SLC35D4: variants seen among roughly 807,000 people sequenced by gnomAD.
SLC35D4 encodes the protein UDP-N-acetylglucosamine transporter SLC35D4.
At chr18:23,276,770 C>G in the SLC35D4 span, among the ~76,000 whole-genome samples, 1 of 152,186 alleles carries the variant, frequency 6.6e-6, no homozygotes, top group African/African-American at 2.4e-5. Context: ...GGGAGGGACC[C>G]GCAGAGCCAG....
the SLC35D4 span, among the ~76,000 whole-genome samples, chr18:23,324,005 C>T: frequency 6.6e-6 from 1 of 151,622 alleles, no homozygotes; most frequent in East Asian, 1.9e-4. Flanking sequence ...ATCACTTGAA[C>T]CCAGGAGGCG....
At chr18:23,251,487 C>CA in the SLC35D4 span, among the ~76,000 whole-genome samples, 20 of 151,880 alleles carry the variant, frequency 1.3e-4, no homozygotes, top group South Asian at 4.2e-3. Context: ...TGTAGTCAGC[C>CA]AAAAAAGACC....
the SLC35D4 span, chr18:23,421,334 A>G: frequency 2.5e-5 from 39 of 1,564,330 alleles, no homozygotes; most frequent in African/African-American, 4.3e-4. Flanking sequence ...CAGAGTGTGA[A>G]TCATGCATGA....
At chr18:23,425,679 G>A in the SLC35D4 span, among the ~76,000 whole-genome samples, 1 of 152,156 alleles carries the variant, frequency 6.6e-6, no homozygotes, top group South Asian at 2.1e-4. Context: ...AAAAGCTGAA[G>A]TATGGTTTCT....
At chr18:23,312,856 G>A in the SLC35D4 span, among the ~76,000 whole-genome samples, 15 of 152,124 alleles carry the variant, frequency 9.9e-5, no homozygotes, top group Admixed American at 4.6e-4. Context: ...AACCGGGCGC[G>A]GTGGCTCATG....
chr18:23,368,806 C>T, the SLC35D4 span: 3 of 1,131,096 alleles, frequency 2.7e-6, no homozygotes, highest in South Asian at 1.5e-5. Flanking sequence ...ATTTTAAATA[C>T]ATAAAATAAT....
At chr18:23,385,462 AAAGTG>A in the SLC35D4 span, among the ~76,000 whole-genome samples, 1 of 152,130 alleles carries the variant, frequency 6.6e-6, no homozygotes. Context: ...CTTGGACTAC[AAAGTG>A]AAGTGAAGGA....
At chr18:23,296,121 A>T in the SLC35D4 span, 1 of 152,114 alleles carries the variant, frequency 6.6e-6, no homozygotes, top group East Asian at 1.9e-4. Flanking sequence ...GAGGGATAAC[A>T]TTAGGGGAAA....
At chr18:23,359,496 G>C in the SLC35D4 span, among the ~76,000 whole-genome samples, 2 of 152,228 alleles carry the variant, frequency 1.3e-5, no homozygotes, top group East Asian at 3.9e-4. Context: ...CAATTCTGCT[G>C]ACTCTGAGTG....
the SLC35D4 span, chr18:23,257,047 A>G: frequency 3.1e-6 from 2 of 642,332 alleles, no homozygotes; most frequent in Non-Finnish European, 5.2e-6. Flanking sequence ...CAGCTCCTTC[A>G]CAACCAGGAC....
chr18:23,430,764 A>G, the SLC35D4 span: 1 of 1,221,318 alleles, frequency 8.2e-7, no homozygotes, highest in Non-Finnish European at 1.2e-6. Flanking sequence ...ATTAAAAAAC[A>G]TAACCACATA....
chr18:23,330,165 G>A, the SLC35D4 span, among the ~76,000 whole-genome samples: 2 of 152,000 alleles, frequency 1.3e-5, no homozygotes, highest in Admixed American at 1.3e-4. Flanking sequence ...TTTGCATGTT[G>A]CGCACATGTA....
At chr18:23,345,187 T>C in the SLC35D4 span, among the ~76,000 whole-genome samples, 1 of 151,902 alleles carries the variant, frequency 6.6e-6, no homozygotes, top group Non-Finnish European at 1.5e-5. Context: ...CACCGTTTGT[T>C]GAAAAAACAA....
the SLC35D4 span, chr18:23,309,727 TAAG>T: frequency 2.5e-6 from 4 of 1,614,212 alleles, no homozygotes; most frequent in Non-Finnish European, 3.4e-6. Flanking sequence ...GCAATATTGA[TAAG>T]CCAGCTGTGA....
chr18:23,244,372 G>T, the SLC35D4 span, among the ~76,000 whole-genome samples: 1 of 152,220 alleles, frequency 6.6e-6, no homozygotes, highest in African/African-American at 2.4e-5. Context: ...CATTTCAGTG[G>T]GAGGGAGAGT....
the SLC35D4 span, among the ~76,000 whole-genome samples, chr18:23,311,934 T>A: frequency 1.3e-5 from 2 of 152,210 alleles, no homozygotes; most frequent in African/African-American, 4.8e-5. Flanking sequence ...AATGGAGATG[T>A]ATTTCTTGGA....
chr18:23,251,686 C>T, the SLC35D4 span, among the ~76,000 whole-genome samples: 2 of 152,154 alleles, frequency 1.3e-5, no homozygotes, highest in East Asian at 3.8e-4. Context: ...GAGGAGGAAA[C>T]TCAAGTTTCC....
the SLC35D4 span, among the ~76,000 whole-genome samples, chr18:23,298,287 C>T: frequency 1.3e-5 from 2 of 152,170 alleles, no homozygotes; most frequent in East Asian, 1.9e-4. Flanking sequence ...GAGGCGGGCT[C>T]GATACCTTCC....
the SLC35D4 span, among the ~76,000 whole-genome samples, chr18:23,378,758 G>A: frequency 3.3e-5 from 5 of 152,190 alleles, no homozygotes; most frequent in African/African-American, 4.8e-5. Flanking sequence ...TATTCTGCTA[G>A]CTGGGAACAA....
Sources: gnomAD v4.1 joint callset for allele counts (sites outside exome capture counted in the v4.1 genomes callset) on GRCh38, gnomAD v4.1.1 for gene constraint, MANE v1.5 for transcripts, NCBI Gene and HGNC (gene_info 2026-07-23, HGNC 2026-07-21) for gene names.